Variants in PDE4D observed in about 807,000 individuals in gnomAD.
PDE4D encodes 3',5'-cyclic-AMP phosphodiesterase 4D.
A neutral mutation model predicts 87.4 loss-of-function variants in PDE4D; 24 were observed. The ratio of observed to expected loss-of-function variants is 0.27; its 90% confidence interval spans 0.20 to 0.39. The LOEUF (loss-of-function observed/expected upper bound fraction) is 0.39, where lower values mean the gene tolerates loss of function less well. Among genes scored for constraint, PDE4D ranks in the 10% least tolerant of loss-of-function variants. PDE4D has a pLI of 1.00. For synonymous variants in PDE4D, 384 were observed against 383.2 expected, an observed-to-expected ratio of 1.00 and a Z score of -0.02; for missense variants, 714 against 1,041.0, an observed-to-expected ratio of 0.69 and a Z score of 4.32.
intron 3 of PDE4D, among the ~76,000 whole-genome samples, chr5:59,936,547 C>T (rs1213368278): frequency 2.6e-5 from 4 of 152,156 alleles, no homozygotes; most frequent in Non-Finnish European, 5.9e-5. Context: ...GTTCAATAAT[C>T]TGTCTATAGA....
At chr5:59,806,706 C>T (rs1767774644) in intron 1 of PDE4D, among the ~76,000 whole-genome samples, 1 of 152,098 alleles carries the variant, frequency 6.6e-6, no homozygotes, top group Non-Finnish European at 1.5e-5. Context: ...GAAATAGTTA[C>T]AGGACTACAG....
chr5:59,423,694 A>G (rs891449812), intron 1 of PDE4D, among the ~76,000 whole-genome samples: 7 of 152,196 alleles, frequency 4.6e-5, no homozygotes, highest in Non-Finnish European at 7.3e-5. Context: ...CTCTAGGCAA[A>G]AAATAGGTAT....
At chr5:59,961,233 C>T (rs1343421296) in intron 3 of PDE4D, among the ~76,000 whole-genome samples, 1 of 150,952 alleles carries the variant, frequency 6.6e-6, no homozygotes, top group Non-Finnish European at 1.5e-5. Context: ...GCTACAAGTC[C>T]AATGATTTAT....
At chr5:59,151,296 C>G (rs1413566987) in intron 5 of PDE4D, among the ~76,000 whole-genome samples, 1 of 152,088 alleles carries the variant, frequency 6.6e-6, no homozygotes, top group Non-Finnish European at 1.5e-5. Context: ...AGCTTTGATT[C>G]AAGGAAATGA....
intron 1 of PDE4D, among the ~76,000 whole-genome samples, chr5:60,280,613 C>T (rs1167189063): frequency 6.6e-6 from 1 of 152,080 alleles, no homozygotes; most frequent in Non-Finnish European, 1.5e-5. Flanking sequence ...AGCTACACTT[C>T]GTGGCCTCAG....
intron 1 of PDE4D, among the ~76,000 whole-genome samples, chr5:60,251,748 G>A (rs1227728472): frequency 2.0e-5 from 3 of 151,800 alleles, no homozygotes; most frequent in African/African-American, 7.3e-5. Context: ...TAGGATTGCT[G>A]GGCCGAATGG....
At chr5:60,088,908 T>C (rs533147563) in intron 2 of PDE4D, among the ~76,000 whole-genome samples, 59 of 152,176 alleles carry the variant, frequency 3.9e-4, no homozygotes, top group African/African-American at 1.3e-3. Flanking sequence ...TCCAACTATA[T>C]GCTGTCTACA....
chr5:59,881,747 T>C (rs1749461763), intron 1 of PDE4D, among the ~76,000 whole-genome samples: 1 of 152,174 alleles, frequency 6.6e-6, no homozygotes, highest in East Asian at 1.9e-4. Context: ...AGTTTATAGT[T>C]TGGTGAAAGA....
intron 5 of PDE4D, among the ~76,000 whole-genome samples, chr5:59,066,508 G>A (rs1763962197): frequency 6.6e-6 from 1 of 152,182 alleles, no homozygotes; most frequent in African/African-American, 2.4e-5. Context: ...ATGTGTGGGT[G>A]GAGATGAGGC....
intron 1 of PDE4D, among the ~76,000 whole-genome samples, chr5:60,251,368 T>A (rs1418437926): frequency 6.6e-6 from 1 of 151,924 alleles, no homozygotes; most frequent in Non-Finnish European, 1.5e-5. Flanking sequence ...CCACTGTCCA[T>A]CTTCTAGTCG....
chr5:59,877,777 C>T (rs959238730), intron 1 of PDE4D, among the ~76,000 whole-genome samples: 2 of 152,040 alleles, frequency 1.3e-5, no homozygotes, highest in Non-Finnish European at 2.9e-5. Context: ...CAAGATCGCG[C>T]CACTGCACTC....
chr5:59,623,960 A>G (rs940627195), intron 1 of PDE4D, among the ~76,000 whole-genome samples: 1 of 152,208 alleles, frequency 6.6e-6, no homozygotes, highest in Non-Finnish European at 1.5e-5. Flanking sequence ...AGCAGTTTAT[A>G]TGCATCATAT....
At chr5:59,788,020 G>A (rs987516037) in intron 1 of PDE4D, among the ~76,000 whole-genome samples, 5 of 151,984 alleles carry the variant, frequency 3.3e-5, no homozygotes, top group African/African-American at 1.2e-4. Context: ...AGTATAATAG[G>A]AACAAGGTAA....
chr5:59,470,738 T>C (rs1018075326), intron 1 of PDE4D, among the ~76,000 whole-genome samples: 1 of 152,198 alleles, frequency 6.6e-6, no homozygotes, highest in Non-Finnish European at 1.5e-5. Flanking sequence ...GAAATATTTA[T>C]TTTACTTACA....
chr5:59,756,535 C>CACAG lies in PDE4D; in HGVS notation c.455+136632_455+136633insCTGT, dbSNP rs1355152924. Reference sequence around the variant, plus strand: ...ACACACACACACACACACACACACACAGAGACACACACTGAGTCATGGTGA... The same window carrying CACAG: ...ACACACACACACACACACACACACACACAGAGAGACACACACTGAGTCATGGTGA... On this transcript the variant is annotated intron_variant, in intron 1 of 14. Coordinates refer to ENST00000340635, the MANE Select transcript of PDE4D (RefSeq NM_001104631.2). Among the ~76,000 whole-genome samples, 83 of 150,084 alleles carry CACAG rather than the reference C, an allele frequency of 5.5e-4. No homozygotes were observed. The South Asian group carries it at 0.017, about 30-fold the overall frequency.
intron 1 of PDE4D, among the ~76,000 whole-genome samples, chr5:59,467,908 T>G (rs1457728924): frequency 6.6e-6 from 1 of 152,248 alleles, no homozygotes; most frequent in Admixed American, 6.5e-5. Flanking sequence ...TTACAAAGCA[T>G]TTAAGTATAT....
intron 3 of PDE4D, among the ~76,000 whole-genome samples, chr5:59,938,864 A>G (rs761104975): frequency 1.1e-4 from 17 of 152,172 alleles, no homozygotes; most frequent in Admixed American, 8.5e-4. Context: ...AAATGTCAGT[A>G]AGGAGACTTC....
chr5:59,869,655 A>C (rs1348165975), intron 1 of PDE4D, among the ~76,000 whole-genome samples: 2 of 152,152 alleles, frequency 1.3e-5, no homozygotes, highest in Non-Finnish European at 2.9e-5. Flanking sequence ...CGTAATTACC[A>C]GTTGAAAGTG....
At chr5:59,514,236 G>T (rs1286454563) in intron 1 of PDE4D, among the ~76,000 whole-genome samples, 3 of 151,810 alleles carry the variant, frequency 2.0e-5, no homozygotes, top group African/African-American at 7.3e-5. Context: ...CTCCCGAGTA[G>T]CTGGGACTAC....
Sources: allele counts gnomAD v4.1 joint callset (sites outside exome capture counted in the v4.1 genomes callset), GRCh38; gene constraint gnomAD v4.1.1; transcripts MANE v1.5; gene names NCBI Gene and HGNC (gene_info 2026-07-23, HGNC 2026-07-21).